PLA2G4C: variants seen among roughly 807,000 people sequenced by gnomAD.
The protein encoded by PLA2G4C is phospholipase A2 group IVC, also known as cytosolic phospholipase A2 gamma.
A neutral mutation model predicts 73.8 loss-of-function variants in PLA2G4C; 64 were observed. The ratio of observed to expected loss-of-function variants is 0.87; its 90% CI spans 0.71 to 1.07. The LOEUF (loss-of-function observed/expected upper bound fraction) is 1.07. Among genes scored for constraint, PLA2G4C ranks in the 50% least tolerant of loss-of-function variants. The pLI, the probability that PLA2G4C is intolerant of heterozygous loss-of-function variation, is 0.00. For synonymous variants in PLA2G4C, 254 were observed against 252.1 expected (o/e 1.01, Z -0.07); for missense variants, 622 against 665.4 (o/e 0.93, Z 0.72).
chr19:48,095,449 G>C lies in PLA2G4C; in HGVS notation c.709+15C>G. ...TTCCCACCCCCTTTTAATCCCCTCTGACCCCAGCGCTGACCTCTCAGGAAA... is the reference window on the plus strand; with the variant it reads ...TTCCCACCCCCTTTTAATCCCCTCTCACCCCAGCGCTGACCTCTCAGGAAA... On this transcript the variant is annotated intron_variant, in intron 7 of 16. Transcript: ENST00000599921. 1 of 1,613,224 alleles carries C rather than the reference G, an allele frequency of 6.2e-7. No homozygotes were observed. Among genetic ancestry groups the C allele is most frequent in the Non-Finnish European group, 8.5e-7 (1 of 1,179,448 alleles).
rs535408092 is a variant in PLA2G4C at position 48,100,424 on chromosome 19, A to G, written c.258-564T>C. ...TGGGTACCTCTAGTGCCGGATACTCAGGAAACCCTGTCTCTACTAAAAACA... is the reference window on the plus strand; with the variant it reads ...TGGGTACCTCTAGTGCCGGATACTCGGGAAACCCTGTCTCTACTAAAAACA... On this transcript the variant is annotated intron_variant, in intron 4 of 16. Transcript: ENST00000599921. 1.3e-3 allele frequency among the ~76,000 whole-genome samples: 202 copies of G among 151,394 alleles called. 1 individual carries two copies. Among genetic ancestry groups the G allele is most frequent in the African/African-American group, 4.4e-3 (180 of 41,324 alleles).
intron 1 of PLA2G4C, among the ~76,000 whole-genome samples, chr19:48,108,295 TG>T (rs2032330184): frequency 6.6e-6 from 1 of 151,952 alleles, no homozygotes; most frequent in Admixed American, 6.6e-5. Context: ...CCACCACGTC[TG>T]GCAAAGTTTT....
Position 48,088,712 on chromosome 19 carries a change from T to C in PLA2G4C, c.764A>G (p.Asp255Gly). 1 of 1,604,152 alleles carries C rather than the reference T, an allele frequency of 6.2e-7. No individual in the cohort carries two copies. The highest frequency in any genetic ancestry group is 8.5e-7 in the Non-Finnish European group (1 of 1,170,834). ...NTEVIREYIF[D>G]QLRNLTLKGL... ...TTTCAGGGTCAGATTCCTTAACTGG[T>C]CTGCAAAAGAGTAGAAGCAGGAGGA... The change falls in exon 9 of 17, where the codon GAC becomes GGC. Residue 255 changes from aspartate to glycine, a missense_variant and splice_region_variant. Physicochemically the swap from Asp to Gly is moderately conservative, Grantham distance 94 (BLOSUM62 -1). Transcript: ENST00000599921.
intron 12 of PLA2G4C, chr19:48,074,350 T>G: frequency 4.9e-6 from 1 of 204,964 alleles, no homozygotes; most frequent in Non-Finnish European, 9.9e-6. Flanking sequence ...TTCCATGGTG[T>G]ATATGTACCA....
intron 14 of PLA2G4C, among the ~76,000 whole-genome samples, chr19:48,057,215 A>C (rs960549770): frequency 6.6e-6 from 1 of 152,170 alleles, no homozygotes; most frequent in African/African-American, 2.4e-5. Flanking sequence ...TTGTGATCTC[A>C]AGAAAAAGGG....
chr19:48,063,473 C>G (rs1366435927), intron 13 of PLA2G4C, among the ~76,000 whole-genome samples: 3 of 152,072 alleles, frequency 2.0e-5, no homozygotes, highest in Admixed American at 6.6e-5. Flanking sequence ...TTGACTTTTC[C>G]CTTTAACTTG....
intron 13 of PLA2G4C, among the ~76,000 whole-genome samples, chr19:48,063,209 A>G (rs559689799): frequency 6.6e-6 from 1 of 152,032 alleles, no homozygotes; most frequent in Non-Finnish European, 1.5e-5. Flanking sequence ...ATGCTGAGCT[A>G]ATTTTTGTAT....
intron 9 of PLA2G4C, among the ~76,000 whole-genome samples, chr19:48,086,002 G>T (rs1293402947): frequency 6.6e-6 from 1 of 152,196 alleles, no homozygotes; most frequent in Non-Finnish European, 1.5e-5. Flanking sequence ...CAGCCAAAAA[G>T]TTCAGGTGGG....
At chr19:48,067,987 G>T (rs1313750307) in intron 12 of PLA2G4C, 101 bp from the exon 13 acceptor site, 5 of 841,294 alleles carry the variant, frequency 5.9e-6, no homozygotes, top group Non-Finnish European at 1.0e-5. Context: ...CCATGGGGTT[G>T]TATCTGGAGA....
intron 9 of PLA2G4C, among the ~76,000 whole-genome samples, chr19:48,086,969 G>A (rs921971336): frequency 2.0e-5 from 3 of 152,166 alleles, no homozygotes; most frequent in East Asian, 1.9e-4. Flanking sequence ...TGGGAGTCTC[G>A]AGGACAGGGG....
chr19:48,050,183 G>A (rs965833586), intron 16 of PLA2G4C, among the ~76,000 whole-genome samples: 8 of 152,156 alleles, frequency 5.3e-5, no homozygotes, highest in African/African-American at 9.7e-5. Flanking sequence ...GCCTCCCAAA[G>A]TGCTGGGATT....
intron 11 of PLA2G4C, among the ~76,000 whole-genome samples, chr19:48,075,577 G>A (rs924476165): frequency 6.6e-6 from 1 of 152,020 alleles, no homozygotes; most frequent in Non-Finnish European, 1.5e-5. Flanking sequence ...CTCTGCTCAC[G>A]TTTGCTGAGA....
At chr19:48,078,594 C>G (rs1942353135) in intron 10 of PLA2G4C, among the ~76,000 whole-genome samples, 2 of 152,158 alleles carry the variant, frequency 1.3e-5, no homozygotes, top group South Asian at 4.1e-4. Context: ...AGATTCAAAT[C>G]AAGAACTCAA....
intron 3 of PLA2G4C, 72 bp downstream of exon 3, chr19:48,105,261 T>C (rs555115793): frequency 2.6e-5 from 25 of 947,532 alleles, no homozygotes; most frequent in African/African-American, 1.3e-4. Flanking sequence ...CCTGGCTGAG[T>C]TGGGCCCTGG....
At chr19:48,080,557 C>T (rs7255908) in intron 10 of PLA2G4C, among the ~76,000 whole-genome samples, 40,148 of 152,012 alleles carry the variant, frequency 0.26, 5,785 homozygotes, top group East Asian at 0.52. Flanking sequence ...GCCTGTAATC[C>T]CAACACTTTG....
At chr19:48,068,016 C>A in intron 12 of PLA2G4C, 130 bp from the exon 13 acceptor site, 1 of 724,988 alleles carries the variant, frequency 1.4e-6, no homozygotes, top group Non-Finnish European at 2.5e-6. Context: ...TTAAAGAGGT[C>A]ATTCAGGGCC....
chr19:48,055,906 G>C (rs1177427459), intron 14 of PLA2G4C, among the ~76,000 whole-genome samples: 1 of 152,098 alleles, frequency 6.6e-6, no homozygotes, highest in Non-Finnish European at 1.5e-5. Context: ...TTACAGGCAT[G>C]AGCCACCGCG....
chr19:48,048,715 A>C (rs748039209), intron 16 of PLA2G4C, among the ~76,000 whole-genome samples: 2 of 152,208 alleles, frequency 1.3e-5, no homozygotes, highest in Non-Finnish European at 2.9e-5. Context: ...ATCTCTGTCC[A>C]TCTCTCCAAT....
At position 48,110,584 on chromosome 19, in the gene PLA2G4C, G is replaced by A; in HGVS notation, c.-130C>T. The A allele has an allele frequency of 2.2e-6, 3 of 1,369,370 alleles. No homozygotes were observed. Among genetic ancestry groups the A allele is most frequent in the East Asian group, 2.8e-5 (1 of 35,182 alleles). 84.8% of individuals were successfully genotyped at this position (1,369,370 alleles called of 1,614,324 possible). On this transcript the variant is annotated 5_prime_UTR_variant, in exon 1 of 17. Coordinates refer to ENST00000599921, the MANE Select transcript of PLA2G4C (RefSeq NM_003706.3). ...GCTCCCTGCGCTTAGCGGTGTAGTCGCTGGACAGCTCCTTCAGCCGGAATC... is the reference window on the plus strand; with the variant it reads ...GCTCCCTGCGCTTAGCGGTGTAGTCACTGGACAGCTCCTTCAGCCGGAATC...
Sources: allele counts gnomAD v4.1 joint callset (sites outside exome capture counted in the v4.1 genomes callset), GRCh38; gene constraint gnomAD v4.1.1; transcripts MANE v1.5; gene names NCBI Gene and HGNC (gene_info 2026-07-23, HGNC 2026-07-21).